The following HIBADH variants were observed in gnomAD, a reference collection of about 807,000 sequenced individuals.
HIBADH encodes the protein 3-hydroxyisobutyrate dehydrogenase.
In HIBADH, 25 loss-of-function variants were observed where a neutral mutation model predicts 36.1. The ratio of observed to expected loss-of-function variants is 0.69; its 90% CI spans 0.50 to 0.97. HIBADH has a LOEUF of 0.97. Among genes scored for constraint, HIBADH ranks in the 50% least tolerant of loss-of-function variants. HIBADH has a pLI of 0.00. For synonymous variants in HIBADH, 160 were observed against 149.5 expected (o/e 1.07, Z -0.51); for missense variants, 421 against 418.0 (o/e 1.01, Z -0.06).
intron 1 of HIBADH, among the ~76,000 whole-genome samples, chr7:27,661,217 G>A (rs1411865984): frequency 2.0e-5 from 3 of 152,232 alleles, no homozygotes; most frequent in South Asian, 2.1e-4. Context: ...GCATCTCACC[G>A]AGCCTCTGTT....
intron 5 of HIBADH, among the ~76,000 whole-genome samples, chr7:27,540,737 G>A (rs1248313254): frequency 1.3e-5 from 2 of 152,120 alleles, no homozygotes; most frequent in African/African-American, 4.8e-5. Context: ...AATTAGGGGC[G>A]TTATGTTTAG....
At chr7:27,567,938 T>A (rs970373664) in intron 4 of HIBADH, among the ~76,000 whole-genome samples, 28 of 152,178 alleles carry the variant, frequency 1.8e-4, no homozygotes, top group African/African-American at 6.8e-4. Context: ...TGGGGCTACA[T>A]CTAGATAAAC....
chr7:27,566,220 T>C (rs763501643), intron 4 of HIBADH, among the ~76,000 whole-genome samples: 3 of 152,158 alleles, frequency 2.0e-5, no homozygotes, highest in Admixed American at 6.5e-5. Context: ...TAGAAGAAAT[T>C]GTGTAGAACT....
chr7:27,576,960 T>C (rs1368304185), intron 4 of HIBADH, among the ~76,000 whole-genome samples: 1 of 152,132 alleles, frequency 6.6e-6, no homozygotes, highest in East Asian at 1.9e-4. Flanking sequence ...ACATACTTGA[T>C]TTTAAAATTC....
At chr7:27,529,481 G>A (rs1448504607) in intron 7 of HIBADH, among the ~76,000 whole-genome samples, 1 of 152,172 alleles carries the variant, frequency 6.6e-6, no homozygotes, top group African/African-American at 2.4e-5. Context: ...TAACTTTGAG[G>A]CCTTTAAGAC....
intron 7 of HIBADH, among the ~76,000 whole-genome samples, chr7:27,528,138 C>T (rs907533317): frequency 7.2e-5 from 11 of 151,796 alleles, no homozygotes; most frequent in Non-Finnish European, 1.3e-4. Context: ...CAAACATAAT[C>T]GATAAATGTG....
chr7:27,545,991 T>C (rs1784231040), intron 4 of HIBADH, among the ~76,000 whole-genome samples: 1 of 152,214 alleles, frequency 6.6e-6, no homozygotes, highest in African/African-American at 2.4e-5. Flanking sequence ...TGCTGGCAAA[T>C]TGTGTGACAA....
intron 4 of HIBADH, among the ~76,000 whole-genome samples, chr7:27,596,079 A>T (rs777399337): frequency 7.2e-5 from 11 of 152,172 alleles, no homozygotes; most frequent in Admixed American, 1.3e-4. Flanking sequence ...TGGGTAATTT[A>T]TAAAGAACAG....
chr7:27,535,878 G>C (rs756250776), intron 6 of HIBADH, among the ~76,000 whole-genome samples: 8 of 151,798 alleles, frequency 5.3e-5, no homozygotes, highest in Non-Finnish European at 1.2e-4. Context: ...TTAAAAAAGG[G>C]GAACAGTGTT....
intron 4 of HIBADH, among the ~76,000 whole-genome samples, chr7:27,601,360 A>G (rs888964545): frequency 2.0e-5 from 3 of 152,134 alleles, no homozygotes; most frequent in African/African-American, 7.2e-5. Flanking sequence ...CTTTCAGTAC[A>G]ACACCAAATG....
intron 4 of HIBADH, among the ~76,000 whole-genome samples, chr7:27,592,263 T>C (rs1174882832): frequency 6.6e-6 from 1 of 152,232 alleles, no homozygotes; most frequent in East Asian, 1.9e-4. Flanking sequence ...TACATTATGA[T>C]GATCTTGAGG....
intron 4 of HIBADH, among the ~76,000 whole-genome samples, chr7:27,628,693 T>C (rs1785690635): frequency 1.3e-5 from 2 of 152,102 alleles, no homozygotes; most frequent in Admixed American, 6.6e-5. Flanking sequence ...CATCTCAGCA[T>C]ACATGGGCTA....
At chr7:27,589,791 ACT>A (rs1380411738) in intron 4 of HIBADH, among the ~76,000 whole-genome samples, 1 of 152,098 alleles carries the variant, frequency 6.6e-6, no homozygotes, top group African/African-American at 2.4e-5. Flanking sequence ...TGTGGCAAAG[ACT>A]CTGTGGTTGA....
At chr7:27,600,851 T>C (rs1785119754) in intron 4 of HIBADH, among the ~76,000 whole-genome samples, 1 of 152,140 alleles carries the variant, frequency 6.6e-6, no homozygotes, top group Non-Finnish European at 1.5e-5. Context: ...TTACTCTTCT[T>C]TCCAAACTGC....
chr7:27,616,016 G>A (rs1785417973), intron 4 of HIBADH, among the ~76,000 whole-genome samples: 1 of 152,128 alleles, frequency 6.6e-6, no homozygotes, highest in South Asian at 2.1e-4. Flanking sequence ...AAGAATAGAG[G>A]TTTATTTGGC....
At chr7:27,621,573 C>T (rs944524630) in intron 4 of HIBADH, among the ~76,000 whole-genome samples, 1 of 152,160 alleles carries the variant, frequency 6.6e-6, no homozygotes, top group African/African-American at 2.4e-5. Flanking sequence ...AGGCAGATCA[C>T]TTGAGGTCAG....
chr7:27,560,513 TG>T (rs1295060665), intron 4 of HIBADH, among the ~76,000 whole-genome samples: 1 of 152,228 alleles, frequency 6.6e-6, no homozygotes, highest in Non-Finnish European at 1.5e-5. Context: ...TGGTGAAGTC[TG>T]AGATTTTAGA....
At chr7:27,619,310 A>C (rs1785495777) in intron 4 of HIBADH, among the ~76,000 whole-genome samples, 1 of 152,212 alleles carries the variant, frequency 6.6e-6, no homozygotes, top group African/African-American at 2.4e-5. Context: ...TTTAAGAAAA[A>C]GTCTTCCCCT....
At position 27,662,854 on chromosome 7, in the gene HIBADH, G is replaced by C. The variant is rs1786454392; in HGVS notation, c.-66C>G. The C allele has an allele frequency of 8.7e-6, 11 of 1,262,880 alleles. No individual in the cohort carries two copies. In the East Asian group the frequency reaches 9.4e-5, roughly 11 times the overall value. 78.2% of individuals were successfully genotyped at this position (1,262,880 alleles called of 1,614,324 possible). ...CCCGGAGGGCCCACAGACTGCGAGC[G>C]TGTGCAGCGGGACTGGCTGGCTCGC... On this transcript the variant is annotated 5_prime_UTR_variant, in exon 1 of 8. Transcript: ENST00000265395.
Sources: allele counts gnomAD v4.1 joint callset (sites outside exome capture counted in the v4.1 genomes callset), GRCh38; gene constraint gnomAD v4.1.1; transcripts MANE v1.5; gene names NCBI Gene and HGNC (gene_info 2026-07-23, HGNC 2026-07-21).